DHRS11: variants seen among roughly 807,000 people sequenced by gnomAD.
The protein encoded by DHRS11 is dehydrogenase/reductase SDR family member 11.
Under a neutral mutation model 30.7 loss-of-function variants are expected in DHRS11, and 18 were observed. The ratio of observed to expected loss-of-function variants is 0.59; its 90% CI spans 0.41 to 0.87. DHRS11 has a LOEUF of 0.87. Among genes scored for constraint, DHRS11 ranks in the 40% least tolerant of loss-of-function variants. The pLI, the probability that DHRS11 is intolerant of heterozygous loss-of-function variation, is 0.00. For synonymous variants in DHRS11, 123 were observed against 139.6 expected, an observed-to-expected ratio of 0.88 and a Z score of 0.84; for missense variants, 300 against 349.0, an observed-to-expected ratio of 0.86 and a Z score of 1.12.
chr17:36,597,787 G>A (rs2142819652), intron 2 of DHRS11: 2 of 332,182 alleles, frequency 6.0e-6, no homozygotes, highest in South Asian at 5.9e-5. Context: ...GAGAAGAGTA[G>A]GGTATTTGGG....
At chr17:36,598,889 C>G (rs995337160) in intron 3 of DHRS11, 32 bp from the exon 4 acceptor site, 1 of 1,594,182 alleles carries the variant, frequency 6.3e-7, no homozygotes, top group African/African-American at 1.3e-5. Context: ...GAACTTCATT[C>G]TCTCCTCTTT....
chr17:36,594,290 G>A (rs2074791383), intron 1 of DHRS11, among the ~76,000 whole-genome samples: 1 of 152,174 alleles, frequency 6.6e-6, no homozygotes, highest in African/African-American at 2.4e-5. Flanking sequence ...TCTCGGGACT[G>A]GTGTAGAAGC....
intron 1 of DHRS11, among the ~76,000 whole-genome samples, chr17:36,593,770 G>C (rs2074786839): frequency 6.6e-6 from 1 of 150,906 alleles, no homozygotes; most frequent in East Asian, 1.9e-4. Flanking sequence ...CTCCAGGCCA[G>C]GGCAGCTGGC....
intron 2 of DHRS11, chr17:36,596,688 CA>C: frequency 4.5e-6 from 2 of 445,730 alleles, no homozygotes; most frequent in Non-Finnish European, 9.4e-6. Flanking sequence ...AGGCCAAACC[CA>C]ACTTTCAGGA....
chr17:36,595,317 G>A, intron 2 of DHRS11, 137 bp downstream of exon 2: 2 of 836,158 alleles, frequency 2.4e-6, no homozygotes, highest in South Asian at 1.6e-5. Context: ...GGGGCATCTT[G>A]ACTCTCTCTT....
In DHRS11 at chr17:36,592,877, C is replaced by T. The variant is rs2074779724; in HGVS notation, c.147+721C>T. Reference sequence around the variant, plus strand: ...TGCCCTGTAAGCTCATTCTCAGTGTCGGGCTAGTGCTTAGCTGCAGGGCTT... The same window carrying T: ...TGCCCTGTAAGCTCATTCTCAGTGTTGGGCTAGTGCTTAGCTGCAGGGCTT... On this transcript the variant is annotated intron_variant, in intron 1 of 6. Coordinates refer to ENST00000618403, the MANE Select transcript of DHRS11 (RefSeq NM_024308.4). The surrounding 1 kb of genome is among the most constrained non-coding windows in gnomAD (Gnocchi z 4.4). Among the ~76,000 whole-genome samples, 1 of 152,032 alleles carries T rather than the reference C, an allele frequency of 6.6e-6. No individual in the cohort carries two copies. Among genetic ancestry groups the T allele is most frequent in the Non-Finnish European group, 1.5e-5 (1 of 68,012 alleles).
chr17:36,595,965 A>G (rs1046094356), intron 2 of DHRS11, among the ~76,000 whole-genome samples: 4 of 152,120 alleles, frequency 2.6e-5, no homozygotes, highest in African/African-American at 9.7e-5. Flanking sequence ...TCTTGTCACA[A>G]TTAATTGGGA....
intron 4 of DHRS11, chr17:36,599,304 C>G: frequency 1.7e-6 from 1 of 605,332 alleles, no homozygotes; most frequent in Non-Finnish European, 2.8e-6. Flanking sequence ...AAGCAAGGGA[C>G]TGTGGGAAAC....
rs1452470257 is a variant in DHRS11, at chr17:36,600,608, C to G, written c.*405C>G. The G allele has an allele frequency of 7.0e-6, 2 of 286,096 alleles. No homozygotes were observed. Among genetic ancestry groups the G allele is most frequent in the Non-Finnish European group, 1.3e-5 (2 of 149,274 alleles). The allele number at this position is 286,096 out of a possible 1,614,324, so 17.7% of individuals were successfully genotyped here. On this transcript the variant is annotated 3_prime_UTR_variant, in exon 7 of 7. Coordinates refer to ENST00000618403, the MANE Select transcript of DHRS11 (RefSeq NM_024308.4). ...TATATCTGTGTTGTTATCCAGGGCT[C>G]CAGACTTCCTCCTCTGCCTGCCCCA...
chr17:36,599,592 T>C, intron 4 of DHRS11, 79 bp from the exon 5 acceptor site: 2 of 1,445,708 alleles, frequency 1.4e-6, no homozygotes, highest in Non-Finnish European at 1.9e-6. Flanking sequence ...TGGGGTTCTG[T>C]GGCCTCCATC....
Position 36,598,181 on chromosome 17 carries a change from A to G in DHRS11, c.376A>G (p.Ser126Gly). 6.2e-7 allele frequency: 1 copy of G among 1,614,048 alleles called. No individual in the cohort carries two copies. Among genetic ancestry groups the G allele is most frequent in the African/African-American group, 1.3e-5 (1 of 75,010 alleles). The change falls in exon 3 of 7, where the codon AGC becomes GGC. Residue 126 changes from serine (S) to glycine (G), a missense_variant. Transcript: ENST00000618403. ...DMFNVNVLALSICTREAYQSM... is the reference protein window; with the variant it reads ...DMFNVNVLALGICTREAYQSM... The stretch of plus-strand genomic sequence containing the variant: ...CCTGCAGGTGAACGTGCTGGCCCTC[A>G]GCATCTGCACACGGGAAGCCTACCA...
chr17:36,593,377 G>A (rs1381306962), intron 1 of DHRS11, among the ~76,000 whole-genome samples: 1 of 152,186 alleles, frequency 6.6e-6, no homozygotes, highest in Non-Finnish European at 1.5e-5. Flanking sequence ...GGTGGCACAG[G>A]TGGGGCAACA....
intron 3 of DHRS11, chr17:36,598,495 A>AG (rs2074829259): frequency 1.7e-6 from 1 of 573,206 alleles, no homozygotes; most frequent in Non-Finnish European, 3.1e-6. Context: ...CCTGGGACTA[A>AG]GTGCCTCGAT....
At chr17:36,598,079 C>A (rs2074825501) in intron 2 of DHRS11, 84 bp from the exon 3 acceptor site, 1 of 1,401,298 alleles carries the variant, frequency 7.1e-7, no homozygotes, top group African/African-American at 1.4e-5. Context: ...CACACTGCCC[C>A]CTTCCCCCCT....
intron 4 of DHRS11, chr17:36,599,453 T>C: frequency 1.2e-5 from 7 of 590,240 alleles, no homozygotes; most frequent in Non-Finnish European, 1.5e-5. Flanking sequence ...AGGGACACTT[T>C]TTTGTAAAAC....
At position 36,595,113 on chromosome 17, in the gene DHRS11, A is replaced by C; in HGVS notation, c.290A>C (p.Asn97Thr). The C allele has an allele frequency of 6.2e-7, 1 of 1,614,106 alleles. No individual in the cohort carries two copies. Among genetic ancestry groups the C allele is most frequent in the South Asian group, 1.1e-5 (1 of 91,072 alleles). The stretch of plus-strand genomic sequence containing the variant: ...AGCGGTGTAGACATCTGCATCAACA[A>C]TGCTGGCTTGGCCCGGCCTGACACC... ...QHSGVDICINNAGLARPDTLL... is the reference protein window; with the variant it reads ...QHSGVDICINTAGLARPDTLL... Residue 97 changes from asparagine to threonine, a missense_variant, in exon 2 of 7, where the codon AAT (asparagine) becomes ACT (threonine). Asn to Thr is a moderately conservative substitution (Grantham distance 65, BLOSUM62 0). Coordinates refer to ENST00000618403, the MANE Select transcript of DHRS11 (RefSeq NM_024308.4).
At position 36,600,382 on chromosome 17, in the gene DHRS11, GA is replaced by G; in HGVS notation, c.*184del. On this transcript the variant is annotated 3_prime_UTR_variant, in exon 7 of 7. Transcript: ENST00000618403. The stretch of plus-strand genomic sequence containing the variant: ...GTCAAATTGCTTCAGTTGTAAATGT[GA>G]AAAATGGGCTGGGGAAAGGAGGTGG... The G allele has an allele frequency of 2.8e-6, 2 of 715,668 alleles. No homozygotes were observed. The highest frequency in any genetic ancestry group is 4.6e-6 in the Non-Finnish European group (2 of 433,452). The allele number at this position is 715,668 out of a possible 1,614,324, so 44.3% of individuals were successfully genotyped here.
Position 36,600,504 on chromosome 17 carries a change from G to C in DHRS11, c.*301G>C. 1.8e-6 allele frequency: 1 copy of C among 553,518 alleles called. No homozygotes were observed. The highest frequency in any genetic ancestry group is 3.1e-5 in the East Asian group (1 of 32,154). The allele number at this position is 553,518 out of a possible 1,614,324, so 34.3% of individuals were successfully genotyped here. On this transcript the variant is annotated 3_prime_UTR_variant, in exon 7 of 7. Coordinates refer to ENST00000618403, the MANE Select transcript of DHRS11 (RefSeq NM_024308.4). ...GTCTTCCCTTTGACATGGGAAAGGA[G>C]TTGTGGCCAAAATCCCCATCTTCTT...
chr17:36,598,087 C>T, intron 2 of DHRS11, 76 bp from the exon 3 acceptor site: 1 of 1,471,012 alleles, frequency 6.8e-7, no homozygotes, highest in Non-Finnish European at 9.5e-7. Flanking sequence ...CCCCTTCCCC[C>T]CTAGCATTCT....
Sources: allele counts gnomAD v4.1 joint callset (sites outside exome capture counted in the v4.1 genomes callset), GRCh38; gene constraint gnomAD v4.1.1; non-coding constraint Gnocchi (gnomAD v3.1); transcripts MANE v1.5; gene names NCBI Gene and HGNC (gene_info 2026-07-23, HGNC 2026-07-21).